CPZ: variants seen among roughly 807,000 people sequenced by gnomAD.
CPZ encodes the protein carboxypeptidase Z, also known as VEZT/CPZ fusion.
In CPZ, 103 loss-of-function variants were observed where a neutral mutation model predicts 61.8. The ratio of observed to expected loss-of-function variants is 1.67; its 90% CI spans 1.42 to 1.96. CPZ has a LOEUF of 1.96. Among genes scored for constraint, CPZ ranks in the 30% most tolerant of loss-of-function variants. CPZ has a pLI of 0.00. For missense variants in CPZ, 1,461 were observed against 914.9 expected (o/e 1.60, Z -7.70); for synonymous variants, 551 against 373.7 (o/e 1.47, Z -5.47).
At chr4:8,609,012 TTCATTAAC>T (rs1715294901) in intron 7 of CPZ, among the ~76,000 whole-genome samples, 1 of 95,970 alleles carries the variant, frequency 1.0e-5, no homozygotes, top group Admixed American at 9.8e-5. Flanking sequence ...TTGTTCATCA[TTCATTAAC>T]TCACTCCTTC....
In CPZ at chr4:8,614,411, G is replaced by A. The variant is rs1179440131; in HGVS notation, c.1416G>A (p.Glu472=). The change falls in exon 9 of 11, where the codon GAG becomes GAA. Residue 472 remains glutamate, a synonymous_variant. Transcript: ENST00000360986. ...CCAACTGCTTTGAGATCACGGTAGA[G>A]CTGGGCTGTGTGAAGTTCCCCCCCG... is the stretch of plus-strand genomic sequence containing the variant. ...LHTNCFEITV[E]LGCVKFPPEE... 6 of 1,614,082 alleles carry A rather than the reference G, an allele frequency of 3.7e-6. No individual in the cohort carries two copies. The highest frequency in any genetic ancestry group is 1.1e-5 in the South Asian group (1 of 91,078).
At chr4:8,611,155 T>G (rs1252095744) in intron 7 of CPZ, 1 of 439,740 alleles carries the variant, frequency 2.3e-6, no homozygotes, top group Non-Finnish European at 4.7e-6. Context: ...ACTCCTCCTT[T>G]CTGACAGAGG....
intron 2 of CPZ, among the ~76,000 whole-genome samples, chr4:8,600,718 C>G (rs541117900): frequency 6.6e-6 from 1 of 152,388 alleles, no homozygotes; most frequent in African/African-American, 2.4e-5. Context: ...CCCAAAGACA[C>G]TAGACGCCCA....
At chr4:8,613,922 G>A (rs866397986) in intron 8 of CPZ, among the ~76,000 whole-genome samples, 4 of 152,248 alleles carry the variant, frequency 2.6e-5, no homozygotes, top group Admixed American at 6.5e-5. Flanking sequence ...GGATGCCAGG[G>A]GCCTGTGCGG....
At chr4:8,618,818 C>T (rs371712471) in intron 10 of CPZ, among the ~76,000 whole-genome samples, 1 of 152,232 alleles carries the variant, frequency 6.6e-6, no homozygotes, top group African/African-American at 2.4e-5. Context: ...GGGAGAGCCA[C>T]CTCCACCCCT....
chr4:8,617,772 T>A (rs1310569183), intron 9 of CPZ, among the ~76,000 whole-genome samples: 1 of 152,174 alleles, frequency 6.6e-6, no homozygotes, highest in Non-Finnish European at 1.5e-5. Context: ...TGTTTTCTGC[T>A]GACTAGAGCA....
Position 8,606,138 on chromosome 4 carries a change from C to G in CPZ, c.859C>G (p.Leu287Val). The change falls in exon 5 of 11, where the codon CTG (leucine) becomes GTG (valine). Residue 287 changes from leucine to valine, a missense_variant. Transcript: ENST00000360986. ...QRLLNTTRIH[L>V]LPSMNPDGYE... ...CCTGCTCAACACCACCCGCATCCAC[C>G]TGCTGCCCTCCATGAACCCTGACGG... is the stretch of plus-strand genomic sequence containing the variant. 3 of 1,614,212 alleles carry G rather than the reference C, an allele frequency of 1.9e-6. No homozygotes were observed. The highest frequency in any genetic ancestry group is 2.5e-6 in the Non-Finnish European group (3 of 1,180,042).
intron 7 of CPZ, among the ~76,000 whole-genome samples, chr4:8,610,460 G>C (rs183517060): frequency 1.3e-5 from 2 of 152,180 alleles, no homozygotes; most frequent in African/African-American, 4.8e-5. Context: ...TGTAGGGCAG[G>C]GAGGCCTTGT....
intron 10 of CPZ, 139 bp downstream of exon 10, chr4:8,618,667 C>A (rs530671902): frequency 1.3e-6 from 1 of 761,164 alleles, no homozygotes; most frequent in Admixed American, 2.4e-5. Flanking sequence ...CTGGCTGGGT[C>A]GGGGAGGGTG....
chr4:8,609,640 T>G (rs1332492507), intron 7 of CPZ, among the ~76,000 whole-genome samples: 2 of 151,266 alleles, frequency 1.3e-5, no homozygotes, highest in South Asian at 2.1e-4. Context: ...GCCTCAGAGC[T>G]GGCAGGGCAG....
intron 2 of CPZ, 95 bp downstream of exon 2, chr4:8,599,580 G>A: frequency 1.3e-6 from 2 of 1,570,004 alleles, no homozygotes; most frequent in South Asian, 1.2e-5. Flanking sequence ...CGTGATTTCA[G>A]AAGTGGGTAA....
rs1323304662 is a variant in CPZ, at chr4:8,619,528, C to G, written c.1870C>G (p.Gln624Glu). The change falls in exon 11 of 11, where the codon CAG becomes GAG. Residue 624 changes from glutamine (Q) to glutamate (E), a missense_variant. Physicochemically the swap from Gln to Glu is conservative, Grantham distance 29. Coordinates refer to ENST00000360986, the MANE Select transcript of CPZ (RefSeq NM_001014447.3). ...TEPDPLRARR[Q>E]PSADGSKPWW... is the part of the protein sequence containing the mutation. ...GCCCGACCCGCTCCGGGCGCGCAGG[C>G]AGCCCTCGGCCGACGGGAGTAAGCC... is the stretch of plus-strand genomic sequence containing the variant. 3 of 1,585,908 alleles carry G rather than the reference C, an allele frequency of 1.9e-6. No individual in the cohort carries two copies. Among genetic ancestry groups the G allele is most frequent in the East Asian group, 2.2e-5 (1 of 44,468 alleles).
At chr4:8,615,217 T>A (rs1378680485) in intron 9 of CPZ, among the ~76,000 whole-genome samples, 1 of 151,838 alleles carries the variant, frequency 6.6e-6, no homozygotes, top group African/African-American at 2.4e-5. Flanking sequence ...TGAGTGGGGA[T>A]GGCTGAGAAT....
Position 8,619,589 on chromosome 4 carries a change from A to G in CPZ, c.1931A>G (p.His644Arg). The G allele has an allele frequency of 2.2e-5, 34 of 1,517,146 alleles. No homozygotes were observed. Among genetic ancestry groups the G allele is most frequent in the Non-Finnish European group, 3.0e-5 (34 of 1,132,596 alleles). The allele number at this position is 1,517,146 out of a possible 1,614,324, so 94.0% of individuals were successfully genotyped here. A position where few individuals can be genotyped will look rare whatever the true frequency, so the allele number is the denominator to read the frequency against. Reference protein sequence around the residue: ...WWSYFTSLSTHRPRWLLKY With the variant: ...WWSYFTSLSTRRPRWLLKY ...TCCTACTTCACATCGCTGAGCACCC[A>G]CAGGCCACGCTGGCTGCTCAAGTAC... The change falls in exon 11 of 11, where the codon CAC becomes CGC. Residue 644 changes from histidine to arginine, a missense_variant. His to Arg is a conservative substitution (Grantham distance 29, BLOSUM62 0). Coordinates refer to ENST00000360986, the MANE Select transcript of CPZ (RefSeq NM_001014447.3).
chr4:8,614,236 G>A (rs934495975), intron 8 of CPZ, 123 bp from the exon 9 acceptor site: 17 of 1,362,512 alleles, frequency 1.2e-5, no homozygotes, highest in African/African-American at 1.0e-4. Context: ...CCGACGTCCC[G>A]GCTGTCTCTG....
In CPZ at chr4:8,601,326, T is replaced by C; in HGVS notation, c.325T>C (p.Cys109Arg). 10 of 1,608,906 alleles carry C rather than the reference T, an allele frequency of 6.2e-6. No homozygotes were observed. The highest frequency in any genetic ancestry group is 6.8e-6 in the Non-Finnish European group (8 of 1,176,752). ...GGGCTGTGCTGTGCTGGCCCCCCGG[T>C]GTGAGGGCGGCTGGGTGCGCAGACC... ...LLGCAVLAPRCEGGWVRRPCR... is the reference protein window; with the variant it reads ...LLGCAVLAPRREGGWVRRPCR... Residue 109 changes from cysteine (C) to arginine (R), a missense_variant, in exon 3 of 11, where the codon TGT (cysteine) becomes CGT (arginine). Physicochemically the swap from Cys to Arg is radical, Grantham distance 180. Coordinates refer to ENST00000360986, the MANE Select transcript of CPZ (RefSeq NM_001014447.3).
At chr4:8,614,959 G>A (rs73078055) in intron 9 of CPZ, among the ~76,000 whole-genome samples, 8,368 of 152,114 alleles carry the variant, frequency 0.055, 764 homozygotes, top group African/African-American at 0.19. Context: ...CAAAACCCTC[G>A]AGAGCCGCTG....
At chr4:8,601,683 C>A (rs1577111011) in intron 3 of CPZ, among the ~76,000 whole-genome samples, 186 bp downstream of exon 3, 1 of 152,176 alleles carries the variant, frequency 6.6e-6, no homozygotes, top group African/African-American at 2.4e-5. Flanking sequence ...GGGTCGGGGG[C>A]TCAGTGCAGA....
Position 8,599,669 on chromosome 4 carries a change from C to G in CPZ, c.121+184C>G, listed in dbSNP as rs113048280. 7.9e-4 allele frequency: 1,129 copies of G among 1,429,026 alleles called. 10 individuals are homozygous for G. In the African/African-American group the frequency reaches 0.013, roughly 16 times the overall value. 88.5% of individuals were successfully genotyped at this position (1,429,026 alleles called of 1,614,324 possible). A position where few individuals can be genotyped will look rare whatever the true frequency, so the allele number is the denominator to read the frequency against. On this transcript the variant is annotated intron_variant, in intron 2 of 10. Coordinates refer to ENST00000360986, the MANE Select transcript of CPZ (RefSeq NM_001014447.3). ...AAAATTAGACATAACAAAAAAAGAC[C>G]AGCTAGGAAAAGGTGCACCAGCTTC...
Sources: allele counts gnomAD v4.1 joint callset (sites outside exome capture counted in the v4.1 genomes callset), GRCh38; gene constraint gnomAD v4.1.1; transcripts MANE v1.5; gene names NCBI Gene and HGNC (gene_info 2026-07-23, HGNC 2026-07-21).